AOPEP: variants seen among roughly 807,000 people sequenced by gnomAD.
AOPEP encodes the protein aminopeptidase O (putative), also known as aminopeptidase O.
Under a neutral mutation model 98.1 loss-of-function variants are expected in AOPEP, and 77 were observed. The ratio of observed to expected loss-of-function variants is 0.78; its 90% CI spans 0.65 to 0.95. The LOEUF is 0.95. Ranked by LOEUF, AOPEP falls within the 40% of genes least tolerant of loss-of-function variation. The pLI is 0.00. For synonymous variants in AOPEP, 346 were observed against 365.3 expected (o/e 0.95, Z 0.60); for missense variants, 1,024 against 1,024.7 (o/e 1.00, Z 0.01).
chr9:94,794,252 A>T (rs965516886), intron 4 of AOPEP, among the ~76,000 whole-genome samples: 2 of 152,212 alleles, frequency 1.3e-5, no homozygotes, highest in Non-Finnish European at 2.9e-5. Context: ...GGACGCTGAG[A>T]AGGTGCACAG....
At chr9:94,917,267 C>G (rs998935465) in intron 5 of AOPEP, among the ~76,000 whole-genome samples, 6 of 151,722 alleles carry the variant, frequency 4.0e-5, no homozygotes, top group African/African-American at 1.4e-4. Context: ...GCAGAGCTGC[C>G]ACTGAGCCAG....
intron 2 of AOPEP, among the ~76,000 whole-genome samples, chr9:94,768,337 A>C (rs1184721165): frequency 6.6e-6 from 1 of 152,176 alleles, no homozygotes; most frequent in African/African-American, 2.4e-5. Context: ...TGGAACTTAA[A>C]ACATTTTTAA....
At position 94,834,232 on chromosome 9, in the gene AOPEP, T is replaced by G. The variant is rs145527729; in HGVS notation, c.1364+33230T>G. ...GAGCAAAATCCAGGCAATCTTAGGC[T>G]CTGTAAGATAAACAACGTGGTTTCT... is the stretch of plus-strand genomic sequence containing the variant. On this transcript the variant is annotated intron_variant, in intron 5 of 16. Transcript: ENST00000375315. Among the ~76,000 whole-genome samples, 16 of 152,318 alleles carry G rather than the reference T, an allele frequency of 1.1e-4. No individual in the cohort carries two copies. In the East Asian group the frequency reaches 3.1e-3, roughly 29 times the overall value.
intron 5 of AOPEP, among the ~76,000 whole-genome samples, chr9:94,846,416 T>A (rs575060388): frequency 1.7e-4 from 26 of 152,172 alleles, no homozygotes; most frequent in Non-Finnish European, 2.9e-5. Flanking sequence ...GAAAAGAAGT[T>A]TAACTGGAGT....
intron 1 of AOPEP, among the ~76,000 whole-genome samples, chr9:94,757,740 T>C (rs1315008723): frequency 1.3e-5 from 2 of 152,114 alleles, no homozygotes; most frequent in Non-Finnish European, 2.9e-5. Context: ...GTTTTCCTTC[T>C]GTGTGTGTGT....
At chr9:94,839,938 T>G (rs147174031) in intron 5 of AOPEP, among the ~76,000 whole-genome samples, 21 of 152,312 alleles carry the variant, frequency 1.4e-4, no homozygotes, top group African/African-American at 5.1e-4. Context: ...GGCTAACATT[T>G]TAAATTTTTT....
At chr9:95,097,417 T>C in the AOPEP span, among the ~76,000 whole-genome samples, 1 of 152,232 alleles carries the variant, frequency 6.6e-6, no homozygotes, top group African/African-American at 2.4e-5. Flanking sequence ...GGCAGGCCTT[T>C]GACCCAGGCT....
At chr9:94,809,056 G>C (rs1404127922) in intron 5 of AOPEP, among the ~76,000 whole-genome samples, 1 of 152,226 alleles carries the variant, frequency 6.6e-6, no homozygotes, top group Non-Finnish European at 1.5e-5. Context: ...CGACAAACAT[G>C]TATCAACGGA....
intron 7 of AOPEP, among the ~76,000 whole-genome samples, chr9:94,948,534 T>C (rs1564432187): frequency 6.6e-6 from 1 of 152,114 alleles, no homozygotes; most frequent in Non-Finnish European, 1.5e-5. Flanking sequence ...TCGGAATAGC[T>C]GTCTACCTCC....
chr9:95,143,916 AG>A, the AOPEP span, among the ~76,000 whole-genome samples: 1 of 152,210 alleles, frequency 6.6e-6, no homozygotes, highest in East Asian at 1.9e-4. Context: ...AACCATAAAG[AG>A]GGGCAAGCAT....
intron 5 of AOPEP, among the ~76,000 whole-genome samples, chr9:94,916,302 G>T (rs1004118126): frequency 1.3e-5 from 2 of 152,148 alleles, no homozygotes; most frequent in Non-Finnish European, 2.9e-5. Context: ...CTCCAATGAG[G>T]CTGCCGACAT....
intron 5 of AOPEP, among the ~76,000 whole-genome samples, chr9:94,808,151 T>C (rs1564172612): frequency 6.6e-6 from 1 of 152,124 alleles, no homozygotes; most frequent in African/African-American, 2.4e-5. Flanking sequence ...TAGGCAGTTC[T>C]GCCTCAGCCT....
intron 5 of AOPEP, among the ~76,000 whole-genome samples, chr9:94,851,125 T>C (rs899904940): frequency 6.6e-6 from 1 of 152,228 alleles, no homozygotes; most frequent in Non-Finnish European, 1.5e-5. Context: ...CCTTTCATTC[T>C]GTGAGAGGAA....
intron 3 of AOPEP, among the ~76,000 whole-genome samples, chr9:94,777,555 A>C (rs1466042255): frequency 6.6e-6 from 1 of 151,146 alleles, no homozygotes; most frequent in Non-Finnish European, 1.5e-5. Flanking sequence ...ATGAAAAGGC[A>C]AGCCACATAT....
At chr9:94,791,945 T>C (rs376902) in intron 3 of AOPEP, among the ~76,000 whole-genome samples, 21,477 of 152,206 alleles carry the variant, frequency 0.14, 1,672 homozygotes, top group Admixed American at 0.19. Context: ...TTCAGAAACA[T>C]GAAAATTATT....
the AOPEP span, among the ~76,000 whole-genome samples, chr9:95,115,439 G>T: frequency 2.0e-5 from 3 of 152,180 alleles, no homozygotes; most frequent in South Asian, 6.2e-4. Flanking sequence ...GGAATAGACT[G>T]CCTGACTGCT....
intron 5 of AOPEP, among the ~76,000 whole-genome samples, chr9:94,859,857 G>T (rs1389634208): frequency 6.6e-6 from 1 of 152,204 alleles, no homozygotes; most frequent in Non-Finnish European, 1.5e-5. Context: ...CAAGTTTTCT[G>T]TAAACTAATT....
intron 13 of AOPEP, among the ~76,000 whole-genome samples, chr9:95,035,386 G>A (rs2064711069): frequency 6.6e-6 from 1 of 151,990 alleles, no homozygotes; most frequent in African/African-American, 2.4e-5. Context: ...GGGCCAGTTG[G>A]AACATCTTGA....
chr9:95,004,644 G>A (rs2061799523), intron 11 of AOPEP, among the ~76,000 whole-genome samples: 2 of 151,844 alleles, frequency 1.3e-5, no homozygotes, highest in Admixed American at 1.3e-4. Flanking sequence ...GCTCCCTCCA[G>A]CCTGCGGCGG....
Sources: gnomAD v4.1 joint callset for allele counts (sites outside exome capture counted in the v4.1 genomes callset) on GRCh38, gnomAD v4.1.1 for gene constraint, MANE v1.5 for transcripts, NCBI Gene and HGNC (gene_info 2026-07-23, HGNC 2026-07-21) for gene names.